The following FAIM2 variants were observed in gnomAD, a reference collection of about 807,000 sequenced individuals.
FAIM2 encodes Fas apoptotic inhibitory molecule 2.
In FAIM2, 27 loss-of-function variants were observed where a neutral mutation model predicts 47.4. The observed-to-expected ratio is 0.57, with a 90% CI of 0.42 to 0.78. FAIM2 has a LOEUF of 0.78. Among genes scored for constraint, FAIM2 ranks in the 30% least tolerant of loss-of-function variants. The probability of loss-of-function intolerance (pLI) is 0.00; values close to 1 mark genes in which losing one functional copy is unlikely to be tolerated. For missense variants in FAIM2, 311 were observed against 389.4 expected (o/e 0.80, Z 1.69); for synonymous variants, 156 against 159.3 (o/e 0.98, Z 0.16).
At chr12:49,893,228 C>T (rs1479545422) in intron 5 of FAIM2, among the ~76,000 whole-genome samples, 3 of 152,172 alleles carry the variant, frequency 2.0e-5, no homozygotes, top group Admixed American at 6.5e-5. Flanking sequence ...TCCCACCCAC[C>T]CCTCTAGCCC....
chr12:49,897,772 C>CA (rs1463285743), intron 3 of FAIM2, among the ~76,000 whole-genome samples, 189 bp from the exon 4 acceptor site: 1 of 151,978 alleles, frequency 6.6e-6, no homozygotes, highest in African/African-American at 2.4e-5. Flanking sequence ...GCACCCCCCC[C>CA]CAGCATTGGG....
chr12:49,880,021 T>G (rs116908367), intron 11 of FAIM2, among the ~76,000 whole-genome samples: 2,054 of 122,020 alleles, frequency 0.017, no homozygotes, highest in African/African-American at 0.028. Context: ...TGTATGTGTC[T>G]GTGTGCATGT....
intron 5 of FAIM2, among the ~76,000 whole-genome samples, chr12:49,892,291 T>C (rs914212408): frequency 3.9e-5 from 6 of 152,024 alleles, no homozygotes; most frequent in African/African-American, 1.4e-4. Flanking sequence ...TACTTAAACC[T>C]TTCCACTGGT....
At chr12:49,884,289 G>C (rs1012818830) in intron 11 of FAIM2, among the ~76,000 whole-genome samples, 1 of 151,876 alleles carries the variant, frequency 6.6e-6, no homozygotes, top group Non-Finnish European at 1.5e-5. Context: ...TGTGAGGAGA[G>C]TAGGGAAGAA....
At chr12:49,889,824 G>A (rs1290456118) in intron 8 of FAIM2, among the ~76,000 whole-genome samples, 3 of 152,088 alleles carry the variant, frequency 2.0e-5, no homozygotes, top group Non-Finnish European at 2.9e-5. Flanking sequence ...GGTTTGTGCC[G>A]GGCCTGGAGG....
At chr12:49,880,471 T>A (rs1286635525) in intron 11 of FAIM2, among the ~76,000 whole-genome samples, 1 of 143,896 alleles carries the variant, frequency 6.9e-6, no homozygotes, top group African/African-American at 2.6e-5. Context: ...TGTGTGTGCA[T>A]GAGTGCATGT....
rs1485150254 is a variant in FAIM2, at chr12:49,903,770, G to A, written c.15+8C>T. ...GGAGGATGGTGCAGGCTGGGGAGAT[G>A]CCGGTACCTTTCCCTGGGTCATGGT... On this transcript the variant is annotated splice_region_variant and intron_variant, in intron 1 of 11. Coordinates refer to ENST00000320634, the MANE Select transcript of FAIM2 (RefSeq NM_012306.4). 1.3e-6 allele frequency: 2 copies of A among 1,549,460 alleles called. No individual in the cohort carries two copies. The highest frequency in any genetic ancestry group is 1.7e-6 in the Non-Finnish European group (2 of 1,146,108).
intron 2 of FAIM2, 42 bp downstream of exon 2, chr12:49,901,088 C>T (rs1946978217): frequency 4.7e-6 from 7 of 1,479,868 alleles, no homozygotes; most frequent in African/African-American, 1.4e-5. Context: ...GGGTCCACCC[C>T]CACCCCATGA....
intron 11 of FAIM2, among the ~76,000 whole-genome samples, chr12:49,882,234 C>A (rs1170330578): frequency 1.3e-5 from 2 of 152,146 alleles, no homozygotes; most frequent in Admixed American, 1.3e-4. Flanking sequence ...TGGGAGAGGG[C>A]AGGATGGGCA....
intron 6 of FAIM2, 134 bp downstream of exon 6, chr12:49,890,930 G>A (rs1419961335): frequency 2.1e-6 from 2 of 949,080 alleles, no homozygotes; most frequent in Non-Finnish European, 3.4e-6. Context: ...GGGGCTGCCT[G>A]CTCGATAGAG....
chr12:49,879,476 ATGTGCATGTGAGTGTATGTGTG>A (rs781423142), intron 11 of FAIM2, among the ~76,000 whole-genome samples: 477 of 10,602 alleles, frequency 0.045, 2 homozygotes, highest in East Asian at 0.16. Context: ...GTGCATGTGT[ATGTGCATGTGAGTGTATGTGTG>A]TATATGTATG....
At chr12:49,890,823 C>T (rs1182956964) in intron 6 of FAIM2, 101 bp from the exon 7 acceptor site, 2 of 1,000,774 alleles carry the variant, frequency 2.0e-6, no homozygotes, top group East Asian at 2.4e-5. Context: ...CCAACCCCCT[C>T]CACACTCCTC....
At chr12:49,880,053 T>C (rs1291238288) in intron 11 of FAIM2, among the ~76,000 whole-genome samples, 1 of 106,712 alleles carries the variant, frequency 9.4e-6, no homozygotes, top group Non-Finnish European at 1.8e-5. Context: ...CATGTGTATA[T>C]ATGTATTTAT....
At chr12:49,895,866 T>A (rs1946933095) in intron 5 of FAIM2, among the ~76,000 whole-genome samples, 1 of 152,192 alleles carries the variant, frequency 6.6e-6, no homozygotes, top group South Asian at 2.1e-4. Flanking sequence ...GGCCAGGCAG[T>A]CAGAACCTTG....
Position 49,867,431 on chromosome 12 carries a change from C to T in FAIM2, c.*3073G>A, listed in dbSNP as rs190133902. On this transcript the variant is annotated 3_prime_UTR_variant, in exon 12 of 12. Coordinates refer to ENST00000320634, the MANE Select transcript of FAIM2 (RefSeq NM_012306.4). The stretch of plus-strand genomic sequence containing the variant: ...AATGGGTGTCTGTCCCATCCTGACT[C>T]CCTCGGAAGGAAGAGTAGGGAATGG... 3.9e-5 allele frequency: 6 copies of T among 152,360 alleles called. No individual in the cohort carries two copies. The highest frequency in any genetic ancestry group is 1.4e-4 in the African/African-American group (6 of 41,570). 9.4% of individuals were successfully genotyped at this position (152,360 alleles called of 1,614,324 possible). A position where few individuals can be genotyped will look rare whatever the true frequency, so the allele number is the denominator to read the frequency against.
In FAIM2 at chr12:49,880,236, GTA is replaced by G. The variant is rs569823310; in HGVS notation, c.801+7148_801+7149del. 7.8e-4 allele frequency among the ~76,000 whole-genome samples: 118 copies of G among 151,716 alleles called. 1 individual carries two copies. The highest frequency in any genetic ancestry group is 1.0e-3 in the Non-Finnish European group (71 of 67,862). On this transcript the variant is annotated intron_variant, in intron 11 of 11. Coordinates refer to ENST00000320634, the MANE Select transcript of FAIM2 (RefSeq NM_012306.4). The stretch of plus-strand genomic sequence containing the variant: ...TGTGTGTATATGTGCATGCATGTGT[GTA>G]TGTGTATGTTCATGTGTATATGTGC...
chr12:49,881,267 C>T (rs1318194785), intron 11 of FAIM2, among the ~76,000 whole-genome samples: 1 of 152,176 alleles, frequency 6.6e-6, no homozygotes, highest in Non-Finnish European at 1.5e-5. Context: ...ACTAATCTTC[C>T]TTAAAGCACA....
chr12:49,881,465 TC>T (rs2137090965), intron 11 of FAIM2, among the ~76,000 whole-genome samples: 1 of 152,090 alleles, frequency 6.6e-6, no homozygotes, highest in African/African-American at 2.4e-5. Context: ...GACCTTAGCT[TC>T]CCCAAGGAAG....
rs1351090130 is a variant in FAIM2 at position 49,878,454 on chromosome 12, G to A, written c.802-7801C>T. ...TGTGCAAGTGTGTGTCTGAGTGAAT[G>A]TGTATGCATGTATGTGTGTGTGCAT... On this transcript the variant is annotated intron_variant, in intron 11 of 11. Coordinates refer to ENST00000320634, the MANE Select transcript of FAIM2 (RefSeq NM_012306.4). Among the ~76,000 whole-genome samples the A allele has an allele frequency of 1.7e-5, 2 of 119,068 alleles. 1 individual carries two copies. Among genetic ancestry groups the A allele is most frequent in the African/African-American group, 6.1e-5 (2 of 32,708 alleles). The allele number at this position is 119,068 out of a possible 152,430, so 78.1% of individuals were successfully genotyped here.
Sources: allele counts gnomAD v4.1 joint callset (sites outside exome capture counted in the v4.1 genomes callset), GRCh38; gene constraint gnomAD v4.1.1; transcripts MANE v1.5; gene names NCBI Gene and HGNC (gene_info 2026-07-23, HGNC 2026-07-21).